Variants in NAIF1 observed in about 807,000 individuals in gnomAD.
NAIF1 encodes the protein nuclear apoptosis inducing factor 1.
Under a neutral mutation model 20.7 loss-of-function variants are expected in NAIF1, and 14 were observed. That is an observed-to-expected ratio of 0.67 (90% CI 0.45 to 1.05). NAIF1 has a LOEUF of 1.05. Ranked by LOEUF, NAIF1 falls within the 50% of genes least tolerant of loss-of-function variation. The pLI is 0.00. For synonymous variants in NAIF1, 191 were observed against 191.4 expected, an observed-to-expected ratio of 1.00 and a Z score of 0.02; for missense variants, 362 against 448.8, an observed-to-expected ratio of 0.81 and a Z score of 1.75.
At chr9:128,064,078 ATTTTTTTTTTTTTTTT>A (rs869101033) in intron 1 of NAIF1, among the ~76,000 whole-genome samples, 178 bp from the exon 2 acceptor site, 1 of 105,320 alleles carries the variant, frequency 9.5e-6, no homozygotes, top group East Asian at 3.3e-4. Flanking sequence ...GGGGTTCAGA[ATTTTTTTTTTTTTTTT>A]TTTTTTTTTT....
chr9:128,063,674 GT>G lies in NAIF1; in HGVS notation c.737del (p.His246ProfsTer11). 6.2e-7 allele frequency: 1 copy of G among 1,614,220 alleles called. No individual in the cohort carries two copies. Among genetic ancestry groups the G allele is most frequent in the Non-Finnish European group, 8.5e-7 (1 of 1,180,052 alleles). ...TNLHVKEIAQ[H>X]LEQQNDLLQM... The stretch of plus-strand genomic sequence containing the variant: ...GCAGTAGGTCGTTCTGCTGTTCCAG[GT>G]GCTGTGCGATCTCCTTCACATGCAG... On this transcript the variant is annotated frameshift_variant, in exon 2 of 2. Coordinates refer to ENST00000373078, the MANE Select transcript of NAIF1 (RefSeq NM_197956.4). LOFTEE classifies it high-confidence loss of function. The surrounding 1 kb of genome is among the most constrained non-coding windows in gnomAD (Gnocchi z 4.3).
At position 128,067,238 on chromosome 9, in the gene NAIF1, G is replaced by T; in HGVS notation, c.-137C>A. On this transcript the variant is annotated 5_prime_UTR_variant, in exon 1 of 2. Coordinates refer to ENST00000373078, the MANE Select transcript of NAIF1 (RefSeq NM_197956.4). ...CAGGCTTGCTCGAGGCCAAGCACTA[G>T]GCCTTTGGTAACCCCCCTCGCTACG... The T allele has an allele frequency of 3.6e-6, 4 of 1,109,132 alleles. No individual in the cohort carries two copies. The highest frequency in any genetic ancestry group is 5.0e-6 in the Non-Finnish European group (4 of 792,630). The allele number at this position is 1,109,132 out of a possible 1,614,324, so 68.7% of individuals were successfully genotyped here.
At position 128,063,813 on chromosome 9, in the gene NAIF1, G is replaced by T. The variant is rs201054416; in HGVS notation, c.599C>A (p.Thr200Asn). 2 of 1,613,400 alleles carry T rather than the reference G, an allele frequency of 1.2e-6. No homozygotes were observed. Among genetic ancestry groups the T allele is most frequent in the Non-Finnish European group, 1.7e-6 (2 of 1,180,040 alleles). The stretch of plus-strand genomic sequence containing the variant: ...ATGCTGGGCCATCATGTCCACAGGG[G>T]TCTCTGGTGGCAGAGGTGGGGGCGC... The part of the protein sequence containing the change: ...AEAPPPLPPE[T>N]PVDMMAQHAD... Residue 200 changes from threonine (T) to asparagine (N), a missense_variant, in exon 2 of 2, where the codon ACC (threonine) becomes AAC (asparagine). Transcript: ENST00000373078. This position sits in a 1 kb window ranked among gnomAD's most constrained non-coding sequence, Gnocchi z 4.3.
rs778891190 is a variant in NAIF1, at chr9:128,063,418, AC to A, written c.*9del. 1 of 1,599,498 alleles carries A rather than the reference AC, an allele frequency of 6.3e-7. No homozygotes were observed. Among genetic ancestry groups the A allele is most frequent in the East Asian group, 2.2e-5 (1 of 44,712 alleles). ...CCCATCATGGCAGAAGGCTGGCCTG[AC>A]CCCTGCCCTCACTGGATGATGCTGT... On this transcript the variant is annotated 3_prime_UTR_variant, in exon 2 of 2. Transcript: ENST00000373078. The surrounding 1 kb of genome is among the most constrained non-coding windows in gnomAD (Gnocchi z 4.3).
rs139921132 is a variant in NAIF1 at position 128,063,640 on chromosome 9, G to A, written c.772C>T (p.Arg258Cys). 10 of 1,613,920 alleles carry A rather than the reference G, an allele frequency of 6.2e-6. No homozygotes were observed. The highest frequency in any genetic ancestry group is 4.0e-5 in the African/African-American group (3 of 74,968). Residue 258 changes from arginine (R) to cysteine (C), a missense_variant, in exon 2 of 2, where the codon CGC (arginine) becomes TGC (cysteine). Physicochemically the swap from Arg to Cys is radical, Grantham distance 180 (BLOSUM62 -3). Coordinates refer to ENST00000373078, the MANE Select transcript of NAIF1 (RefSeq NM_197956.4). The surrounding 1 kb of genome is among the most constrained non-coding windows in gnomAD (Gnocchi z 4.3). ...CAGGCCTGCACTTCCTGGGAGCGGC[G>A]GATCATCTGCAGTAGGTCGTTCTGC... The part of the protein sequence containing the change: ...EQQNDLLQMI[R>C]RSQEVQACAQ...
Position 128,062,946 on chromosome 9 carries a change from T to A in NAIF1, c.*482A>T, listed in dbSNP as rs1189621511. On this transcript the variant is annotated 3_prime_UTR_variant, in exon 2 of 2. Coordinates refer to ENST00000373078, the MANE Select transcript of NAIF1 (RefSeq NM_197956.4). ...CACAGTGAGGAGAAAAGGGTGGGGT[T>A]TCCTCCTCAGTCACACTACCTCCCA... 5.7e-6 allele frequency: 1 copy of A among 174,906 alleles called. No individual in the cohort carries two copies. Among genetic ancestry groups the A allele is most frequent in the African/African-American group, 2.4e-5 (1 of 42,196 alleles). The allele number at this position is 174,906 out of a possible 1,614,324, so 10.8% of individuals were successfully genotyped here. A position where few individuals can be genotyped will look rare whatever the true frequency, so the allele number is the denominator to read the frequency against.
rs372602321 is a variant in NAIF1, at chr9:128,063,637, G to A, written c.775C>T (p.Arg259Cys). ...QQNDLLQMIR[R>C]SQEVQACAQE... The stretch of plus-strand genomic sequence containing the variant: ...GCACAGGCCTGCACTTCCTGGGAGC[G>A]GCGGATCATCTGCAGTAGGTCGTTC... Residue 259 changes from arginine to cysteine, a missense_variant, in exon 2 of 2, where the codon CGC becomes TGC. This residue lies in a region of NAIF1 where 300 missense variants were observed against 342.7 expected (regional missense o/e 0.88). Transcript: ENST00000373078. The surrounding 1 kb of genome is among the most constrained non-coding windows in gnomAD (Gnocchi z 4.3). 6 of 1,613,874 alleles carry A rather than the reference G, an allele frequency of 3.7e-6. No homozygotes were observed. Among genetic ancestry groups the A allele is most frequent in the Non-Finnish European group, 5.1e-6 (6 of 1,180,060 alleles).
chr9:128,063,563 G>A lies in NAIF1; in HGVS notation c.849C>T (p.Ser283=), dbSNP rs370246579. 5.0e-5 allele frequency: 80 copies of A among 1,611,594 alleles called. No individual in the cohort carries two copies. The highest frequency in any genetic ancestry group is 8.8e-5 in the South Asian group (8 of 91,096). ...QAMEGTQAAL[S]VLIQVLRPMI... is the part of the protein sequence containing the mutation. The stretch of plus-strand genomic sequence containing the variant: ...TAGGCCGGAGGACCTGGATGAGGAC[G>A]CTCAGGGCAGCCTGTGTGCCCTCCA... The change falls in exon 2 of 2, where the codon AGC becomes AGT. Residue 283 remains serine (S), a synonymous_variant. Transcript: ENST00000373078. This position sits in a 1 kb window ranked among gnomAD's most constrained non-coding sequence, Gnocchi z 4.3.
intron 1 of NAIF1, 121 bp from the exon 2 acceptor site, chr9:128,064,021 G>T: frequency 1.4e-6 from 1 of 706,932 alleles, no homozygotes; most frequent in South Asian, 1.8e-5. Flanking sequence ...GGGGAATCCA[G>T]GCCTCCCCTG....
chr9:128,063,334 G>T lies in NAIF1; in HGVS notation c.*94C>A. The T allele has an allele frequency of 8.8e-7, 1 of 1,137,288 alleles. No individual in the cohort carries two copies. Among genetic ancestry groups the T allele is most frequent in the Non-Finnish European group, 1.3e-6 (1 of 793,558 alleles). 70.4% of individuals were successfully genotyped at this position (1,137,288 alleles called of 1,614,324 possible). On this transcript the variant is annotated 3_prime_UTR_variant, in exon 2 of 2. Coordinates refer to ENST00000373078, the MANE Select transcript of NAIF1 (RefSeq NM_197956.4). The surrounding 1 kb of genome is among the most constrained non-coding windows in gnomAD (Gnocchi z 4.3). ...TTATTAAAGAGGGAGCTGTGCACGT[G>T]GCCGGTCTAAGGCCAAGGCCAATCA...
At position 128,066,622 on chromosome 9, in the gene NAIF1, G is replaced by T; in HGVS notation, c.480C>A (p.Thr160=). 1 of 1,527,798 alleles carries T rather than the reference G, an allele frequency of 6.5e-7. No individual in the cohort carries two copies. The highest frequency in any genetic ancestry group is 8.8e-7 in the Non-Finnish European group (1 of 1,135,632). 94.6% of individuals were successfully genotyped at this position (1,527,798 alleles called of 1,614,324 possible). The part of the protein sequence containing the change: ...IHPVALGPSA[T]AAAATVTLTQ... Reference sequence around the variant, plus strand: ...TCAGGGTGACCGTGGCTGCGGCTGCGGTGGCCGAGGGTCCGAGGGCCACAG... The same window carrying T: ...TCAGGGTGACCGTGGCTGCGGCTGCTGTGGCCGAGGGTCCGAGGGCCACAG... The change falls in exon 1 of 2, where the codon ACC becomes ACA. Residue 160 remains threonine, a synonymous_variant. Coordinates refer to ENST00000373078, the MANE Select transcript of NAIF1 (RefSeq NM_197956.4).
rs1466518376 is a variant in NAIF1, at chr9:128,063,829, G to A, written c.583C>T (p.Pro195Ser). ...VEYCTAEAPP[P>S]LPPETPVDMM... ...TCCACAGGGGTCTCTGGTGGCAGAG[G>A]TGGGGGCGCCTCAGCCGTGCAGTAC... The change falls in exon 2 of 2, where the codon CCT (proline) becomes TCT (serine). Residue 195 changes from proline to serine, a missense_variant. Around this residue, in one of 3 missense-constraint regions of NAIF1, gnomAD observed 300 missense variants for 342.7 expected, o/e 0.88. Coordinates refer to ENST00000373078, the MANE Select transcript of NAIF1 (RefSeq NM_197956.4). This position sits in a 1 kb window ranked among gnomAD's most constrained non-coding sequence, Gnocchi z 4.3. 2 of 1,612,872 alleles carry A rather than the reference G, an allele frequency of 1.2e-6. No individual in the cohort carries two copies. The highest frequency in any genetic ancestry group is 3.3e-5 in the Admixed American group (2 of 60,024).
Position 128,066,634 on chromosome 9 carries a change from T to G in NAIF1, c.468A>C (p.Gly156=). 2 of 1,541,518 alleles carry G rather than the reference T, an allele frequency of 1.3e-6. No homozygotes were observed. Among genetic ancestry groups the G allele is most frequent in the Non-Finnish European group, 1.8e-6 (2 of 1,141,786 alleles). Residue 156 remains glycine (G), a synonymous_variant, in exon 1 of 2, where the codon GGA becomes GGC. Coordinates refer to ENST00000373078, the MANE Select transcript of NAIF1 (RefSeq NM_197956.4). ...STTEIHPVAL[G]PSATAAAATV... ...TGGCTGCGGCTGCGGTGGCCGAGGG[T>G]CCGAGGGCCACAGGGTGGATCTCTG...
In NAIF1 at chr9:128,066,981, G is replaced by A; in HGVS notation, c.121C>T (p.Leu41=). 6.2e-7 allele frequency: 1 copy of A among 1,613,546 alleles called. No homozygotes were observed. The highest frequency in any genetic ancestry group is 8.5e-7 in the Non-Finnish European group (1 of 1,180,006). The stretch of plus-strand genomic sequence containing the variant: ...TGCCAGGCCGCACTCTTGGCGGCCA[G>A]GGGTACCCCGGCGTTGAAGTGGTTC... ...LVNHFNAGVP[L]AAKSAAWHGI... The change falls in exon 1 of 2, where the codon CTG becomes TTG. Residue 41 remains leucine, a synonymous_variant. Coordinates refer to ENST00000373078, the MANE Select transcript of NAIF1 (RefSeq NM_197956.4).
rs757038589 is a variant in NAIF1, at chr9:128,061,404, G to A, written c.*2024C>T. 1 of 152,268 alleles carries A rather than the reference G, an allele frequency of 6.6e-6. No individual in the cohort carries two copies. 9.4% of individuals were successfully genotyped at this position (152,268 alleles called of 1,614,324 possible). On this transcript the variant is annotated 3_prime_UTR_variant, in exon 2 of 2. Transcript: ENST00000373078. ...CAAGTCCTCAGGAAGTCCCTGCAGC[G>A]ACCTTGCTGGGGCCATCAGACCGCA...
Position 128,063,411 on chromosome 9 carries a change from T to G in NAIF1, c.*17A>C, listed in dbSNP as rs1472017560. ...TTTTCATCCCATCATGGCAGAAGGC[T>G]GGCCTGACCCCTGCCCTCACTGGAT... On this transcript the variant is annotated 3_prime_UTR_variant, in exon 2 of 2. Coordinates refer to ENST00000373078, the MANE Select transcript of NAIF1 (RefSeq NM_197956.4). The surrounding 1 kb of genome is among the most constrained non-coding windows in gnomAD (Gnocchi z 4.3). 2 of 1,594,030 alleles carry G rather than the reference T, an allele frequency of 1.3e-6. No individual in the cohort carries two copies. Among genetic ancestry groups the G allele is most frequent in the East Asian group, 4.5e-5 (2 of 44,640 alleles).
At position 128,063,776 on chromosome 9, in the gene NAIF1, C is replaced by T. The variant is rs28429629; in HGVS notation, c.636G>A (p.Ser212=). 3.7e-6 allele frequency: 6 copies of T among 1,613,982 alleles called. No individual in the cohort carries two copies. The highest frequency in any genetic ancestry group is 4.5e-5 in the East Asian group (2 of 44,882). Residue 212 remains serine (S), a synonymous_variant, in exon 2 of 2, where the codon TCG becomes TCA. Transcript: ENST00000373078. The surrounding 1 kb of genome is among the most constrained non-coding windows in gnomAD (Gnocchi z 4.3). ...GGCTCTTGAGCGCTTGCGGCTTGAC[C>T]GACGTGTCTGCATGCTGGGCCATCA... ...VDMMAQHADT[S]VKPQALKSRI...
chr9:128,066,871 G>A lies in NAIF1; in HGVS notation c.231C>T (p.Thr77=). The change falls in exon 1 of 2, where the codon ACC becomes ACT. Residue 77 remains threonine, a synonymous_variant. Coordinates refer to ENST00000373078, the MANE Select transcript of NAIF1 (RefSeq NM_197956.4). ...EVKKKWSDLK[T]EVRRKVAQVR... ...CCTGGGCAACCTTGCGACGGACCTCGGTCTTGAGGTCAGACCACTTCTTCT... is the reference window on the plus strand; with the variant it reads ...CCTGGGCAACCTTGCGACGGACCTCAGTCTTGAGGTCAGACCACTTCTTCT... The A allele has an allele frequency of 6.2e-7, 1 of 1,612,914 alleles. No homozygotes were observed. Among genetic ancestry groups the A allele is most frequent in the Non-Finnish European group, 8.5e-7 (1 of 1,179,970 alleles).
chr9:128,064,078 A>ATTT (rs869101033), intron 1 of NAIF1, among the ~76,000 whole-genome samples, 178 bp from the exon 2 acceptor site: 18 of 105,324 alleles, frequency 1.7e-4, no homozygotes, highest in Admixed American at 2.2e-4. Context: ...GGGGTTCAGA[A>ATTT]TTTTTTTTTT....
Sources: allele counts gnomAD v4.1 joint callset (sites outside exome capture counted in the v4.1 genomes callset), GRCh38; gene constraint gnomAD v4.1.1; regional missense constraint gnomAD v4.1.1; non-coding constraint Gnocchi (gnomAD v3.1); transcripts MANE v1.5; gene names NCBI Gene and HGNC (gene_info 2026-07-23, HGNC 2026-07-21).